The following LMCD1 variants were observed in gnomAD, a reference collection of about 807,000 sequenced individuals.
LMCD1 encodes LIM and cysteine rich domains 1.
Under a neutral mutation model 42.7 loss-of-function variants are expected in LMCD1, and 32 were observed. The ratio of observed to expected loss-of-function variants is 0.75; its 90% confidence interval spans 0.57 to 1.01. The LOEUF (loss-of-function observed/expected upper bound fraction) is 1.01, where lower values mean the gene tolerates loss of function less well. LMCD1 is among the 50% of genes least tolerant of loss of function. The pLI is 0.00. For synonymous variants in LMCD1, 178 were observed against 184.9 expected, an observed-to-expected ratio of 0.96 and a Z score of 0.30; for missense variants, 458 against 483.1, an observed-to-expected ratio of 0.95 and a Z score of 0.49.
chr3:8,512,255 A>T (rs1694016014), intron 1 of LMCD1, among the ~76,000 whole-genome samples: 1 of 152,260 alleles, frequency 6.6e-6, no homozygotes, highest in South Asian at 2.1e-4. Flanking sequence ...GGAATCTTGC[A>T]TCAAAACAAT....
chr3:8,502,617 T>G, intron 1 of LMCD1, among the ~76,000 whole-genome samples: 1 of 144,918 alleles, frequency 6.9e-6, no homozygotes. Context: ...CGCACGCAGT[T>G]TCTTTAGTTG....
At chr3:8,519,907 C>CGTGTGTGTGT (rs562320226) in intron 1 of LMCD1, among the ~76,000 whole-genome samples, 1 of 150,768 alleles carries the variant, frequency 6.6e-6, no homozygotes, top group African/African-American at 2.5e-5. Flanking sequence ...TGTGCACACA[C>CGTGTGTGTGT]GTGTGTGTGT....
chr3:8,517,063 ATACT>A lies in LMCD1; in HGVS notation c.42+15086_42+15089del, dbSNP rs557702162. On this transcript the variant is annotated intron_variant, in intron 1 of 5. Coordinates refer to ENST00000157600, the MANE Select transcript of LMCD1 (RefSeq NM_014583.4). Reference sequence around the variant, plus strand: ...CAGAGGGATTAAGTCCCATGGTTACATACTTAGTCATGGTGAATGTGAATGAAAT... The same window carrying A: ...CAGAGGGATTAAGTCCCATGGTTACATAGTCATGGTGAATGTGAATGAAAT... Among the ~76,000 whole-genome samples, 14 of 152,348 alleles carry A rather than the reference ATACT, an allele frequency of 9.2e-5. No homozygotes were observed. In the South Asian group the frequency reaches 2.7e-3, roughly 29 times the overall value.
intron 1 of LMCD1, among the ~76,000 whole-genome samples, chr3:8,510,487 C>A (rs1334342759): frequency 6.6e-6 from 1 of 152,188 alleles, no homozygotes; most frequent in South Asian, 2.1e-4. Context: ...TGTCAGGGAA[C>A]TTAAATTAGG....
At chr3:8,537,965 G>T (rs961485446) in intron 3 of LMCD1, among the ~76,000 whole-genome samples, 4 of 152,118 alleles carry the variant, frequency 2.6e-5, no homozygotes. Flanking sequence ...TAAATGATCA[G>T]AGAAACCCTG....
At chr3:8,507,824 G>C (rs1693914716) in intron 1 of LMCD1, among the ~76,000 whole-genome samples, 1 of 152,218 alleles carries the variant, frequency 6.6e-6, no homozygotes. Flanking sequence ...CACTCTGCAA[G>C]AAACAGAAGG....
intron 4 of LMCD1, among the ~76,000 whole-genome samples, chr3:8,555,671 T>C (rs1274699671): frequency 1.3e-5 from 2 of 150,316 alleles, no homozygotes; most frequent in African/African-American, 4.9e-5. Flanking sequence ...CTTTTTATAC[T>C]ATACTATAAA....
At chr3:8,517,563 G>A (rs1267138821) in intron 1 of LMCD1, among the ~76,000 whole-genome samples, 1 of 152,166 alleles carries the variant, frequency 6.6e-6, no homozygotes, top group Admixed American at 6.5e-5. Flanking sequence ...ACACAGGCAT[G>A]CACTGACAAC....
chr3:8,528,416 G>A (rs1042465557), intron 1 of LMCD1, among the ~76,000 whole-genome samples: 7 of 151,986 alleles, frequency 4.6e-5, no homozygotes, highest in Admixed American at 6.6e-5. Context: ...GGCTGGTCTT[G>A]AGCTCCTGGC....
chr3:8,548,947 C>G (rs1179378460), intron 4 of LMCD1, 44 bp downstream of exon 4: 1 of 1,409,702 alleles, frequency 7.1e-7, no homozygotes, highest in Non-Finnish European at 9.4e-7. Context: ...ACCATGCAGG[C>G]CCAGGGCTGG....
intron 1 of LMCD1, among the ~76,000 whole-genome samples, chr3:8,527,649 T>C (rs113406106): frequency 0.031 from 4,774 of 152,320 alleles, 110 homozygotes; most frequent in Middle Eastern, 0.058. Context: ...ACATGTATGC[T>C]TATAGAACTT....
intron 1 of LMCD1, among the ~76,000 whole-genome samples, chr3:8,519,260 A>T (rs1694155126): frequency 6.6e-6 from 1 of 152,190 alleles, no homozygotes; most frequent in Non-Finnish European, 1.5e-5. Flanking sequence ...GGAGTGTCTG[A>T]GGGATAAATA....
At chr3:8,516,306 A>G (rs17049235) in intron 1 of LMCD1, among the ~76,000 whole-genome samples, 18,047 of 152,168 alleles carry the variant, frequency 0.12, 2,043 homozygotes, top group African/African-American at 0.29. Flanking sequence ...CCGGAGGGAC[A>G]ACCGAAAACT....
In LMCD1 at chr3:8,573,519, A is replaced by T. The variant is rs1289777856; in HGVS notation, c.*5921A>T. 2 of 152,244 alleles carry T rather than the reference A, an allele frequency of 1.3e-5. No homozygotes were observed. Among genetic ancestry groups the T allele is most frequent in the Non-Finnish European group, 2.9e-5 (2 of 68,040 alleles). The allele number at this position is 152,244 out of a possible 1,614,324, so 9.4% of individuals were successfully genotyped here. ...CAAATGTTTGGCTTCAAATATGAAA[A>T]AGTTACATGAAAGATGAAACTATGC... On this transcript the variant is annotated 3_prime_UTR_variant, in exon 6 of 6. Transcript: ENST00000157600.
chr3:8,524,662 A>G (rs1694265823), intron 1 of LMCD1, among the ~76,000 whole-genome samples: 1 of 149,604 alleles, frequency 6.7e-6, no homozygotes, highest in Admixed American at 6.7e-5. Context: ...TTTAAGAGGT[A>G]TAACTTGATG....
intron 1 of LMCD1, among the ~76,000 whole-genome samples, chr3:8,526,771 G>A (rs1441104493): frequency 6.6e-6 from 1 of 152,140 alleles, no homozygotes; most frequent in African/African-American, 2.4e-5. Flanking sequence ...ATTTGTACAA[G>A]GTCAGCCTTC....
chr3:8,505,503 A>C (rs1345932544), intron 1 of LMCD1, among the ~76,000 whole-genome samples: 2 of 152,248 alleles, frequency 1.3e-5, no homozygotes, highest in Non-Finnish European at 2.9e-5. Context: ...GAAGCCTATT[A>C]GGCTCTGCAA....
Position 8,571,178 on chromosome 3 carries a change from C to T in LMCD1, c.*3580C>T, listed in dbSNP as rs1404032100. ...CCTTTATCTGTAAGTTCATAATATC[C>T]CAGGCTTACAGTAATTCTTCCAAGG... On this transcript the variant is annotated 3_prime_UTR_variant, in exon 6 of 6. Coordinates refer to ENST00000157600, the MANE Select transcript of LMCD1 (RefSeq NM_014583.4). 1 of 152,124 alleles carries T rather than the reference C, an allele frequency of 6.6e-6. No individual in the cohort carries two copies. The highest frequency in any genetic ancestry group is 2.4e-5 in the African/African-American group (1 of 41,414). The allele number at this position is 152,124 out of a possible 1,614,324, so 9.4% of individuals were successfully genotyped here. A position where few individuals can be genotyped will look rare whatever the true frequency, so the allele number is the denominator to read the frequency against.
Position 8,571,477 on chromosome 3 carries a change from G to A in LMCD1, c.*3879G>A, listed in dbSNP as rs1695216335. On this transcript the variant is annotated 3_prime_UTR_variant, in exon 6 of 6. Transcript: ENST00000157600. The stretch of plus-strand genomic sequence containing the variant: ...CCCACTTCCTTCTTCCTAGTGGCAA[G>A]GAAGCAGTGGGTGGAGAGGGTGAGT... 3.3e-5 allele frequency: 5 copies of A among 152,244 alleles called. No individual in the cohort carries two copies. Among genetic ancestry groups the A allele is most frequent in the Admixed American group, 3.3e-4 (5 of 15,290 alleles). The allele number at this position is 152,244 out of a possible 1,614,324, so 9.4% of individuals were successfully genotyped here. A position where few individuals can be genotyped will look rare whatever the true frequency, so the allele number is the denominator to read the frequency against.
Sources: allele counts gnomAD v4.1 joint callset (sites outside exome capture counted in the v4.1 genomes callset), GRCh38; gene constraint gnomAD v4.1.1; transcripts MANE v1.5; gene names NCBI Gene and HGNC (gene_info 2026-07-23, HGNC 2026-07-21).